Variants in ATP1B3 observed in about 807,000 individuals in gnomAD.
ATP1B3 encodes ATPase Na+/K+ transporting subunit beta 3, also known as sodium/potassium-transporting ATPase subunit beta-3.
Under a neutral mutation model 30.2 loss-of-function variants are expected in ATP1B3, and 10 were observed. The ratio of observed to expected loss-of-function variants is 0.33; its 90% CI spans 0.20 to 0.56. ATP1B3 has a LOEUF of 0.56. Ranked by LOEUF, ATP1B3 falls within the 20% of genes least tolerant of loss-of-function variation. The probability of loss-of-function intolerance (pLI) is 0.90; values close to 1 mark genes in which losing one functional copy is unlikely to be tolerated. For missense variants in ATP1B3, 238 were observed against 336.7 expected (o/e 0.71, Z 2.29); for synonymous variants, 113 against 117.0 (o/e 0.97, Z 0.22).
In ATP1B3 at chr3:141,915,410, C is replaced by A. The variant is rs1317092025; in HGVS notation, c.532-560C>A. On this transcript the variant is annotated intron_variant, in intron 4 of 6. Transcript: ENST00000286371. ...TTCAGAATGCCAAAAAATTATCTCA[C>A]AAAATGTATAAATATGTGAGTTTAT... Among the ~76,000 whole-genome samples the A allele has an allele frequency of 2.6e-5, 4 of 152,208 alleles. No individual in the cohort carries two copies. In the East Asian group the frequency reaches 5.8e-4, roughly 22 times the overall value.
chr3:141,915,328 G>A (rs1419925286), intron 4 of ATP1B3, among the ~76,000 whole-genome samples: 1 of 152,230 alleles, frequency 6.6e-6, no homozygotes, highest in African/African-American at 2.4e-5. Context: ...AACAATACTT[G>A]TCTTTTGAGA....
At chr3:141,881,204 C>CAA (rs112675926) in intron 1 of ATP1B3, among the ~76,000 whole-genome samples, 30,983 of 116,760 alleles carry the variant, frequency 0.27, 3,599 homozygotes, top group Middle Eastern at 0.31. Flanking sequence ...ACTCCACCTC[C>CAA]AAAAAAAAAA....
intron 6 of ATP1B3, among the ~76,000 whole-genome samples, chr3:141,922,436 T>C (rs539638242): frequency 4.0e-5 from 6 of 151,296 alleles, no homozygotes; most frequent in Admixed American, 6.6e-5. Flanking sequence ...GCGCATTACC[T>C]GAGGTCAGGA....
intron 6 of ATP1B3, among the ~76,000 whole-genome samples, chr3:141,924,963 T>TA (rs1434004416): frequency 6.0e-5 from 9 of 150,898 alleles, no homozygotes; most frequent in Non-Finnish European, 1.5e-5. Flanking sequence ...ACAAAAAAAT[T>TA]AATAATAATA....
intron 5 of ATP1B3, among the ~76,000 whole-genome samples, chr3:141,916,756 C>A (rs11712817): frequency 0.37 from 55,891 of 152,050 alleles, 10,709 homozygotes; most frequent in East Asian, 0.66. Flanking sequence ...AAACTTCTTG[C>A]TCAGTGGTCT....
chr3:141,884,029 A>G (rs1487389202), intron 1 of ATP1B3, among the ~76,000 whole-genome samples: 2 of 152,118 alleles, frequency 1.3e-5, no homozygotes, highest in African/African-American at 4.8e-5. Context: ...TCAGCTTCTT[A>G]TACTGCTTTT....
At position 141,881,707 on chromosome 3, in the gene ATP1B3, C is replaced by T. The variant is rs568559307; in HGVS notation, c.109+4797C>T. ...GGACATTGAGCAGTAGGATATAACT[C>T]CCACATGCTTAGCGTTCCAGTAATG... On this transcript the variant is annotated intron_variant, in intron 1 of 6. Coordinates refer to ENST00000286371, the MANE Select transcript of ATP1B3 (RefSeq NM_001679.4). Among the ~76,000 whole-genome samples the T allele has an allele frequency of 1.2e-4, 18 of 152,272 alleles. No homozygotes were observed. The South Asian group carries it at 3.1e-3, about 26-fold the overall frequency.
chr3:141,889,830 CAT>C (rs71153925), intron 1 of ATP1B3, among the ~76,000 whole-genome samples: 10 of 137,440 alleles, frequency 7.3e-5, no homozygotes, highest in South Asian at 4.7e-4. Context: ...TATACATATA[CAT>C]ATATATATAT....
At chr3:141,918,521 CT>C (rs574241457) in intron 5 of ATP1B3, among the ~76,000 whole-genome samples, 50 of 151,786 alleles carry the variant, frequency 3.3e-4, no homozygotes, top group African/African-American at 1.2e-3. Context: ...CTCAGCTCAC[CT>C]TTGCCTCCCG....
chr3:141,892,667 A>C (rs930899617), intron 1 of ATP1B3, among the ~76,000 whole-genome samples: 17 of 151,710 alleles, frequency 1.1e-4, no homozygotes, highest in East Asian at 5.8e-4. Flanking sequence ...AAAAAAAAAA[A>C]AAAAAAAAAC....
intron 1 of ATP1B3, among the ~76,000 whole-genome samples, chr3:141,892,575 T>G (rs1210503748): frequency 6.8e-6 from 1 of 146,500 alleles, no homozygotes; most frequent in Non-Finnish European, 1.5e-5. Context: ...CAAATATTGC[T>G]TGAACTGGGA....
At chr3:141,921,581 C>CA (rs1224192983) in intron 5 of ATP1B3, 1 of 154,802 alleles carries the variant, frequency 6.5e-6, no homozygotes, top group African/African-American at 2.4e-5. Flanking sequence ...AGTCTGGAAG[C>CA]ACAGCATTTT....
chr3:141,919,285 TTC>T (rs1553745641), intron 5 of ATP1B3, among the ~76,000 whole-genome samples: 1 of 151,212 alleles, frequency 6.6e-6, no homozygotes, highest in South Asian at 2.1e-4. Flanking sequence ...CTTTTTTTTT[TTC>T]TCTCTCTCTC....
chr3:141,886,586 G>A (rs1253421032), intron 1 of ATP1B3, among the ~76,000 whole-genome samples: 1 of 152,132 alleles, frequency 6.6e-6, no homozygotes, highest in Non-Finnish European at 1.5e-5. Flanking sequence ...ATGCATCTCA[G>A]AATACACCAG....
At chr3:141,894,584 C>G (rs1934024605) in intron 1 of ATP1B3, among the ~76,000 whole-genome samples, 1 of 152,142 alleles carries the variant, frequency 6.6e-6, no homozygotes, top group African/African-American at 2.4e-5. Context: ...ACTTTTTAAA[C>G]TTTTTTGTTA....
At chr3:141,891,506 A>G (rs1577959771) in intron 1 of ATP1B3, among the ~76,000 whole-genome samples, 1 of 152,258 alleles carries the variant, frequency 6.6e-6, no homozygotes, top group Non-Finnish European at 1.5e-5. Context: ...AAAATTTTAT[A>G]TTTCATCTGT....
chr3:141,907,118 A>G, intron 2 of ATP1B3, 49 bp from the exon 3 acceptor site: 1 of 1,421,482 alleles, frequency 7.0e-7, no homozygotes, highest in Non-Finnish European at 9.7e-7. Context: ...AAGAGGAAGG[A>G]AAAGAAGAGA....
At chr3:141,914,535 C>A (rs1429296819) in intron 4 of ATP1B3, among the ~76,000 whole-genome samples, 1 of 152,064 alleles carries the variant, frequency 6.6e-6, no homozygotes, top group Non-Finnish European at 1.5e-5. Context: ...GATCCCTAGC[C>A]CCCGTGCCTT....
chr3:141,880,717 A>G (rs1201663057), intron 1 of ATP1B3, among the ~76,000 whole-genome samples: 1 of 152,208 alleles, frequency 6.6e-6, no homozygotes, highest in Non-Finnish European at 1.5e-5. Context: ...GCATATATAG[A>G]TACCCCAGTG....
Sources: allele counts gnomAD v4.1 joint callset (sites outside exome capture counted in the v4.1 genomes callset), GRCh38; gene constraint gnomAD v4.1.1; transcripts MANE v1.5; gene names NCBI Gene and HGNC (gene_info 2026-07-23, HGNC 2026-07-21).